Variants in FAM162B observed in about 807,000 individuals in gnomAD.
The protein encoded by FAM162B is protein FAM162B.
A neutral mutation model predicts 20.0 loss-of-function variants in FAM162B; 16 were observed. The observed-to-expected ratio is 0.80, with a 90% CI of 0.54 to 1.21. The LOEUF (loss-of-function observed/expected upper bound fraction) is 1.21, where lower values mean the gene tolerates loss of function less well. Among genes scored for constraint, FAM162B ranks in the 50% most tolerant of loss-of-function variants. The pLI is 0.00. For missense variants in FAM162B, 260 were observed against 227.5 expected, an observed-to-expected ratio of 1.14 and a Z score of -0.92; for synonymous variants, 83 against 89.7, an observed-to-expected ratio of 0.93 and a Z score of 0.42.
chr6:116,761,900 A>C, intron 3 of FAM162B, 77 bp downstream of exon 3: 887 of 1,035,604 alleles, frequency 8.6e-4, no homozygotes, highest in Non-Finnish European at 1.1e-3. Flanking sequence ...CCTTTTGGTG[A>C]GATACTCTTT....
intron 2 of FAM162B, among the ~76,000 whole-genome samples, chr6:116,764,781 G>A (rs1168061252): frequency 6.6e-6 from 1 of 152,190 alleles, no homozygotes; most frequent in Admixed American, 6.5e-5. Context: ...CTGGATTGCG[G>A]TCTGGCGTCC....
intron 3 of FAM162B, among the ~76,000 whole-genome samples, chr6:116,759,804 C>T (rs775833214): frequency 2.0e-5 from 3 of 152,118 alleles, no homozygotes; most frequent in Non-Finnish European, 2.9e-5. Flanking sequence ...TATACTCCAT[C>T]CACACTAGCT....
At chr6:116,764,430 G>A (rs1164453384) in intron 2 of FAM162B, among the ~76,000 whole-genome samples, 2 of 152,104 alleles carry the variant, frequency 1.3e-5, no homozygotes. Context: ...AGAAACTTTG[G>A]AAAGATTTTT....
chr6:116,753,208 C>G (rs1780012180), intron 3 of FAM162B, among the ~76,000 whole-genome samples: 2 of 152,094 alleles, frequency 1.3e-5, no homozygotes, highest in African/African-American at 4.8e-5. Context: ...TTTTCTGCTT[C>G]CACAATGAAT....
chr6:116,753,782 G>A (rs1048978897), intron 3 of FAM162B, among the ~76,000 whole-genome samples: 2 of 152,158 alleles, frequency 1.3e-5, no homozygotes, highest in African/African-American at 4.8e-5. Flanking sequence ...GGGAGTGAGT[G>A]TAGCTAGAGA....
intron 2 of FAM162B, among the ~76,000 whole-genome samples, chr6:116,762,614 A>C (rs893630989): frequency 1.3e-5 from 2 of 152,112 alleles, no homozygotes; most frequent in Admixed American, 6.5e-5. Flanking sequence ...CTGTTAGAAA[A>C]ATGTTTCCTT....
chr6:116,765,272 C>G lies in FAM162B; in HGVS notation c.173-17G>C. The G allele has an allele frequency of 6.2e-7, 1 of 1,611,610 alleles. No homozygotes were observed. Among genetic ancestry groups the G allele is most frequent in the Non-Finnish European group, 8.5e-7 (1 of 1,178,636 alleles). ...GAATCTCCCCTGCAGCGAAAGCAAC[C>G]CAGATGGACGCGGGAACTGACGCAC... On this transcript the variant is annotated splice_polypyrimidine_tract_variant and intron_variant, in intron 1 of 3. Transcript: ENST00000368557.
At chr6:116,760,540 A>T (rs1403763744) in intron 3 of FAM162B, among the ~76,000 whole-genome samples, 1 of 152,198 alleles carries the variant, frequency 6.6e-6, no homozygotes, top group African/African-American at 2.4e-5. Flanking sequence ...ATTCTAAGTA[A>T]ACAAATTGTC....
chr6:116,760,156 G>A (rs1453480359), intron 3 of FAM162B, among the ~76,000 whole-genome samples: 1 of 152,170 alleles, frequency 6.6e-6, no homozygotes, highest in Admixed American at 6.5e-5. Flanking sequence ...AAAGTATTTA[G>A]TGTATTAATG....
chr6:116,764,750 G>A (rs1213658700), intron 2 of FAM162B, among the ~76,000 whole-genome samples: 1 of 152,176 alleles, frequency 6.6e-6, no homozygotes, highest in Non-Finnish European at 1.5e-5. Context: ...GGTGGGGTAG[G>A]GGGACGCCCC....
In FAM162B at chr6:116,762,039, AAGCTTTCACTCG is replaced by A; in HGVS notation, c.316_327del (p.Arg106_Ala109del). The A allele has an allele frequency of 6.2e-7, 1 of 1,601,232 alleles. No individual in the cohort carries two copies. Among genetic ancestry groups the A allele is most frequent in the Non-Finnish European group, 8.5e-7 (1 of 1,170,378 alleles). On this transcript the variant is annotated inframe_deletion, in exon 3 of 4. Transcript: ENST00000368557. ...ATTGTGAGTCCAATCATTATGTAACAAGCTTTCACTCGAGCTTTGTTTCTTGCGGTGTCTATC... is the reference window on the plus strand; with the variant it reads ...ATTGTGAGTCCAATCATTATGTAACAAGCTTTGTTTCTTGCGGTGTCTATC...
chr6:116,760,971 A>G (rs1233704391), intron 3 of FAM162B, among the ~76,000 whole-genome samples: 1 of 152,192 alleles, frequency 6.6e-6, no homozygotes, highest in African/African-American at 2.4e-5. Context: ...TCTGAATGAT[A>G]CGTATGCACT....
Position 116,752,637 on chromosome 6 carries a change from C to G in FAM162B, c.449G>C (p.Arg150Pro). The part of the protein sequence containing the change: ...SWNLAKKAKW[R>P]EEAALAAQAK... ...CTGTGCAGCCAATGCAGCTTCTTCA[C>G]GCCACTTAGCTTTCTTTGCCAAGTT... The change falls in exon 4 of 4, where the codon CGT (arginine) becomes CCT (proline). Residue 150 changes from arginine (R) to proline (P), a missense_variant. Physicochemically the swap from Arg to Pro is moderately radical, Grantham distance 103. Coordinates refer to ENST00000368557, the MANE Select transcript of FAM162B (RefSeq NM_001085480.3). 2 of 1,592,952 alleles carry G rather than the reference C, an allele frequency of 1.3e-6. No individual in the cohort carries two copies. Among genetic ancestry groups the G allele is most frequent in the Non-Finnish European group, 1.7e-6 (2 of 1,167,986 alleles).
chr6:116,756,048 G>A (rs1583463960), intron 3 of FAM162B, among the ~76,000 whole-genome samples: 1 of 152,048 alleles, frequency 6.6e-6, no homozygotes, highest in Non-Finnish European at 1.5e-5. Context: ...CATGGAAAAA[G>A]GTGTCATTTC....
chr6:116,765,187 C>G lies in FAM162B; in HGVS notation c.241G>C (p.Gly81Arg). The G allele has an allele frequency of 6.2e-7, 1 of 1,613,954 alleles. No individual in the cohort carries two copies. The highest frequency in any genetic ancestry group is 1.1e-5 in the South Asian group (1 of 91,090). Residue 81 changes from glycine to arginine, a missense_variant, in exon 2 of 4, where the codon GGG becomes CGG. Physicochemically the swap from Gly to Arg is moderately radical, Grantham distance 125. Coordinates refer to ENST00000368557, the MANE Select transcript of FAM162B (RefSeq NM_001085480.3). ...ATCTCCTCCATCGATTTGAAACGCC[C>G]TGTCCACAGCAGGATTTTCTTGTCG... ...QFDKKILLWT[G>R]RFKSMEEIPP...
chr6:116,762,095 G>C lies in FAM162B; in HGVS notation c.282-10C>G. 1 of 1,544,404 alleles carries C rather than the reference G, an allele frequency of 6.5e-7. No individual in the cohort carries two copies. On this transcript the variant is annotated splice_polypyrimidine_tract_variant and intron_variant, in intron 2 of 3. Coordinates refer to ENST00000368557, the MANE Select transcript of FAM162B (RefSeq NM_001085480.3). ...GTCTATCATTTCTGGCCTAAACAAA[G>C]ATGTGTATTTTGTTAAATATGTAAA...
intron 3 of FAM162B, among the ~76,000 whole-genome samples, chr6:116,760,081 T>G (rs1415208540): frequency 6.6e-6 from 1 of 152,246 alleles, no homozygotes; most frequent in Non-Finnish European, 1.5e-5. Context: ...ACAAAATACC[T>G]GTCTTTTAAT....
In FAM162B at chr6:116,765,464, CG is replaced by C; in HGVS notation, c.112del (p.Arg38GlyfsTer60). The C allele has an allele frequency of 1.4e-6, 2 of 1,424,846 alleles. No individual in the cohort carries two copies. The allele number at this position is 1,424,846 out of a possible 1,614,324, so 88.3% of individuals were successfully genotyped here. On this transcript the variant is annotated frameshift_variant, in exon 1 of 4. Transcript: ENST00000368557. LOFTEE classifies it high-confidence loss of function. ...GCCGCTGGAGTAGCAGGGGAGACCC[CG>C]GGGCGGAAGAGCCGGTGCGGGCCGT... ...TRRPAPALPP[R>X]GLPCYSSGGA...
At chr6:116,761,751 CACAT>C (rs942069785) in intron 3 of FAM162B, among the ~76,000 whole-genome samples, 43 of 147,400 alleles carry the variant, frequency 2.9e-4, no homozygotes, top group African/African-American at 1.0e-3. Context: ...CACACACACA[CACAT>C]ATATATATAT....
Sources: allele counts gnomAD v4.1 joint callset (sites outside exome capture counted in the v4.1 genomes callset), GRCh38; gene constraint gnomAD v4.1.1; transcripts MANE v1.5; gene names NCBI Gene and HGNC (gene_info 2026-07-23, HGNC 2026-07-21).